NID1: variants seen among roughly 807,000 people sequenced by gnomAD.
NID1 encodes nidogen-1.
Under a neutral mutation model 130.6 loss-of-function variants are expected in NID1, and 76 were observed. That is an observed-to-expected ratio of 0.58 (90% CI 0.48 to 0.70). The LOEUF (loss-of-function observed/expected upper bound fraction) is 0.70. Among genes scored for constraint, NID1 ranks in the 30% least tolerant of loss-of-function variants. The probability of loss-of-function intolerance (pLI) is 0.00; values close to 1 mark genes in which losing one functional copy is unlikely to be tolerated. For missense variants in NID1, 1,517 were observed against 1,664.8 expected (o/e 0.91, Z 1.54); for synonymous variants, 665 against 675.1 (o/e 0.98, Z 0.23).
At chr1:235,990,735 C>T in intron 14 of NID1, 151 bp downstream of exon 14, 1 of 766,190 alleles carries the variant, frequency 1.3e-6, no homozygotes, top group Non-Finnish European at 2.2e-6. Context: ...AATACAGTGG[C>T]CCCATCTAGA....
chr1:235,992,524 G>C (rs1204039386), intron 13 of NID1, among the ~76,000 whole-genome samples: 2 of 152,192 alleles, frequency 1.3e-5, no homozygotes, highest in Non-Finnish European at 2.9e-5. Context: ...ACACGGTGCT[G>C]CTTCTGGAAA....
intron 16 of NID1, 63 bp downstream of exon 16, chr1:235,981,548 G>A: frequency 6.6e-7 from 1 of 1,526,472 alleles, no homozygotes; most frequent in Non-Finnish European, 8.9e-7. Context: ...CCTCACATCT[G>A]AGAATCTCTA....
chr1:236,054,937 C>T (rs558847153), intron 1 of NID1, among the ~76,000 whole-genome samples: 4 of 152,128 alleles, frequency 2.6e-5, no homozygotes, highest in South Asian at 4.2e-4. Flanking sequence ...CCACTGTGCT[C>T]GGCCTAAAGA....
intron 12 of NID1, among the ~76,000 whole-genome samples, chr1:236,007,473 C>T (rs545067568): frequency 6.6e-6 from 1 of 152,322 alleles, no homozygotes; most frequent in African/African-American, 2.4e-5. Flanking sequence ...CCCTGTCACA[C>T]TGCAAGAGGG....
intron 12 of NID1, among the ~76,000 whole-genome samples, chr1:236,009,205 A>C (rs907218056): frequency 7.9e-5 from 12 of 152,308 alleles, no homozygotes; most frequent in African/African-American, 2.9e-4. Flanking sequence ...GAATGGCCTT[A>C]GTGGTGCCCT....
chr1:235,993,929 C>G, intron 12 of NID1, 57 bp from the exon 13 acceptor site: 1 of 1,525,412 alleles, frequency 6.6e-7, no homozygotes, highest in East Asian at 2.4e-5. Flanking sequence ...TCAGCGCTCC[C>G]TGGCGGGGCT....
At chr1:235,996,388 C>T (rs921147090) in intron 12 of NID1, among the ~76,000 whole-genome samples, 1 of 152,046 alleles carries the variant, frequency 6.6e-6, no homozygotes, top group Non-Finnish European at 1.5e-5. Context: ...TGCCTAGGTG[C>T]TTTTTTAAAA....
intron 13 of NID1, among the ~76,000 whole-genome samples, 165 bp downstream of exon 13, chr1:235,993,480 G>A (rs148949120): frequency 5.8e-4 from 88 of 151,270 alleles, no homozygotes; most frequent in Admixed American, 1.6e-3. Flanking sequence ...GGGAGGAGCG[G>A]GGTAAGTGAG....
chr1:236,057,507 A>G (rs1192547888), intron 1 of NID1, among the ~76,000 whole-genome samples: 1 of 151,858 alleles, frequency 6.6e-6, no homozygotes, highest in African/African-American at 2.4e-5. Context: ...AGGCGGGCGG[A>G]TCACCTGAGG....
chr1:235,997,302 G>A (rs188710053), intron 12 of NID1, among the ~76,000 whole-genome samples: 43 of 152,274 alleles, frequency 2.8e-4, no homozygotes, highest in African/African-American at 1.0e-3. Flanking sequence ...AAGCAACCAT[G>A]TTTCATACCT....
intron 12 of NID1, among the ~76,000 whole-genome samples, chr1:236,006,209 C>T (rs1470680585): frequency 6.6e-6 from 1 of 152,012 alleles, no homozygotes; most frequent in Non-Finnish European, 1.5e-5. Flanking sequence ...ATGAGTGGAC[C>T]CAGGTAATAA....
intron 14 of NID1, among the ~76,000 whole-genome samples, chr1:235,986,230 A>G (rs921275226): frequency 6.6e-6 from 1 of 152,218 alleles, no homozygotes; most frequent in African/African-American, 2.4e-5. Context: ...AGAAAAAGAA[A>G]TAAAAGGCAT....
chr1:236,027,864 A>C (rs1658985882), intron 7 of NID1, among the ~76,000 whole-genome samples: 1 of 152,116 alleles, frequency 6.6e-6, no homozygotes, highest in Non-Finnish European at 1.5e-5. Flanking sequence ...AAAAACAAAA[A>C]AAACGAAGGG....
chr1:235,987,224 C>T (rs116502427), intron 14 of NID1, among the ~76,000 whole-genome samples: 12 of 152,222 alleles, frequency 7.9e-5, no homozygotes, highest in East Asian at 1.9e-4. Context: ...TTATGTATGA[C>T]GAACTATGGT....
intron 12 of NID1, among the ~76,000 whole-genome samples, chr1:236,002,503 A>AAAACAAACAAACAAAC (rs71174487): frequency 1.1e-4 from 17 of 150,700 alleles, no homozygotes; most frequent in African/African-American, 3.9e-4. Context: ...ACTCTGTCTA[A>AAAACAAACAAACAAAC]AAACAAACAA....
In NID1 at chr1:235,986,488, C is replaced by T. The variant is rs1657577034; in HGVS notation, c.2929-983G>A. Among the ~76,000 whole-genome samples the T allele has an allele frequency of 2.0e-5, 3 of 150,758 alleles. No homozygotes were observed. In the South Asian group the frequency reaches 6.3e-4, roughly 32 times the overall value. On this transcript the variant is annotated intron_variant, in intron 14 of 19. Transcript: ENST00000264187. ...TAAACATTTTTAAATATGCAGGATT[C>T]CACAATGAATACTATAAAACATTGC...
Position 235,979,941 on chromosome 1 carries a change from G to A in NID1, c.3390C>T (p.Thr1130=). The change falls in exon 18 of 20, where the codon ACC becomes ACT. Residue 1130 remains threonine (T), a synonymous_variant. Coordinates refer to ENST00000264187, the MANE Select transcript of NID1 (RefSeq NM_002508.3). The surrounding 1 kb of genome is among the most constrained non-coding windows in gnomAD (Gnocchi z 4.6). ...SSQLCWVDAG[T]NRAECLNPSQ... ...TGGGGTTCAGGCATTCCGCCCGATT[G>A]GTGCCTGTGTGGAGTGGAAACAATT... 1.9e-6 allele frequency: 3 copies of A among 1,613,990 alleles called. No individual in the cohort carries two copies. The highest frequency in any genetic ancestry group is 2.5e-6 in the Non-Finnish European group (3 of 1,179,920).
intron 4 of NID1, 63 bp downstream of exon 4, chr1:236,041,847 G>C (rs538710867): frequency 2.3e-5 from 36 of 1,540,488 alleles, no homozygotes; most frequent in Non-Finnish European, 2.6e-5. Context: ...CTCCCCAGCA[G>C]TACGCCTGTC....
rs776225042 is a variant in NID1, at chr1:236,042,028, G to C, written c.1017C>G (p.Thr339=). ...CTGTGGGAGGTCCAAGGGGCCTTTC[G>C]GTAGCTGCCCGGCGCGGGGAGAGGA... ...PSVLSPRRAA[T]ERPLGPPTER... The change falls in exon 4 of 20, where the codon ACC becomes ACG. Residue 339 remains threonine (T), a synonymous_variant. Transcript: ENST00000264187. The C allele has an allele frequency of 3.7e-6, 6 of 1,614,156 alleles. No homozygotes were observed. The highest frequency in any genetic ancestry group is 5.1e-6 in the Non-Finnish European group (6 of 1,180,042).
Sources: allele counts gnomAD v4.1 joint callset (sites outside exome capture counted in the v4.1 genomes callset), GRCh38; gene constraint gnomAD v4.1.1; non-coding constraint Gnocchi (gnomAD v3.1); transcripts MANE v1.5; gene names NCBI Gene and HGNC (gene_info 2026-07-23, HGNC 2026-07-21).